Variants in ZC3H7B observed in about 807,000 individuals in gnomAD.
The protein encoded by ZC3H7B is zinc finger CCCH-type containing 7B.
ZC3H7B carries 35 observed loss-of-function variants against 116.0 expected under a neutral mutation model. The ratio of observed to expected loss-of-function variants is 0.30; its 90% CI spans 0.23 to 0.40. ZC3H7B has a LOEUF of 0.40. Ranked by LOEUF, ZC3H7B falls within the 10% of genes least tolerant of loss-of-function variation. ZC3H7B has a pLI of 1.00. For missense variants in ZC3H7B, 1,011 were observed against 1,321.5 expected (o/e 0.77, Z 3.64); for synonymous variants, 502 against 545.6 (o/e 0.92, Z 1.11).
chr22:41,316,236 G>A (rs1381647074), intron 1 of ZC3H7B, among the ~76,000 whole-genome samples: 1 of 151,056 alleles, frequency 6.6e-6, no homozygotes, highest in African/African-American at 2.4e-5. Flanking sequence ...CAGGTTATCC[G>A]CCAACCTTGG....
chr22:41,340,043 C>CACG lies in ZC3H7B; in HGVS notation c.1044_1045insACG (p.Pro348_Leu349insThr). The stretch of plus-strand genomic sequence containing the variant: ...ATCCCCCGGGCCCCACGCTGGACCC[C>CACG]CTGGACCTGCTGCCGTACTCGGAGA... On this transcript the variant is annotated inframe_insertion, in exon 10 of 23. Transcript: ENST00000352645. The CACG allele has an allele frequency of 6.2e-7, 1 of 1,611,718 alleles. No individual in the cohort carries two copies. Among genetic ancestry groups the CACG allele is most frequent in the Non-Finnish European group, 8.5e-7 (1 of 1,180,016 alleles).
At chr22:41,307,647 A>T (rs1235398389) in intron 1 of ZC3H7B, among the ~76,000 whole-genome samples, 1 of 152,168 alleles carries the variant, frequency 6.6e-6, no homozygotes, top group Non-Finnish European at 1.5e-5. Context: ...AGCAGCCCCC[A>T]TATGGTTAAC....
intron 12 of ZC3H7B, among the ~76,000 whole-genome samples, 172 bp from the exon 13 acceptor site, chr22:41,343,243 G>T (rs1381822008): frequency 6.6e-6 from 1 of 152,206 alleles, no homozygotes; most frequent in African/African-American, 2.4e-5. Flanking sequence ...CAGTCCCCCG[G>T]TCTCCAGGGA....
rs1370846160 is a variant in ZC3H7B at position 41,301,708 on chromosome 22, C to A, written c.-71C>A. 2.6e-5 allele frequency: 4 copies of A among 152,122 alleles called. No homozygotes were observed. The highest frequency in any genetic ancestry group is 1.9e-4 in the East Asian group (1 of 5,174). 9.4% of individuals were successfully genotyped at this position (152,122 alleles called of 1,614,324 possible). ...ACTAATAATAATAACGTAATCATAC[C>A]TCTAGTCATAGCATACCATTTATCG... is the stretch of plus-strand genomic sequence containing the variant. On this transcript the variant is annotated 5_prime_UTR_variant, in exon 1 of 23. Transcript: ENST00000352645.
rs2036496370 is a variant in ZC3H7B at position 41,339,862 on chromosome 22, T to C, written c.863T>C (p.Leu288Ser). The C allele has an allele frequency of 1.2e-6, 2 of 1,612,158 alleles. No individual in the cohort carries two copies. Among genetic ancestry groups the C allele is most frequent in the Admixed American group, 1.7e-5 (1 of 59,856 alleles). ...TCTGGCAGCGGCGTGCCTAGTGAGTTGCCCCAGCTGATACCCGTGTTCCCC... is the reference window on the plus strand; with the variant it reads ...TCTGGCAGCGGCGTGCCTAGTGAGTCGCCCCAGCTGATACCCGTGTTCCCC... ...GLSGSGVPSELPQLIPVFPGG... is the reference protein window; with the variant it reads ...GLSGSGVPSESPQLIPVFPGG... Residue 288 changes from leucine (L) to serine (S), a missense_variant, in exon 10 of 23, where the codon TTG becomes TCG. Leu to Ser is a moderately radical substitution (Grantham distance 145). Around this residue, in one of 5 missense-constraint regions of ZC3H7B, gnomAD observed 322 missense variants for 443.9 expected, o/e 0.73. Coordinates refer to ENST00000352645, the MANE Select transcript of ZC3H7B (RefSeq NM_017590.6).
intron 17 of ZC3H7B, 148 bp from the exon 18 acceptor site, chr22:41,355,321 T>A: frequency 8.8e-7 from 1 of 1,139,214 alleles, no homozygotes; most frequent in Non-Finnish European, 1.2e-6. Context: ...CCCTTGGGCC[T>A]GCAGTTGGGA....
Position 41,320,282 on chromosome 22 carries a change from G to A in ZC3H7B, c.-6-373G>A, listed in dbSNP as rs113024412. Among the ~76,000 whole-genome samples, 188 of 151,102 alleles carry A rather than the reference G, an allele frequency of 1.2e-3. 4 individuals are homozygous for A. The highest frequency in any genetic ancestry group is 4.3e-3 in the African/African-American group (175 of 41,090). On this transcript the variant is annotated intron_variant, in intron 1 of 22. Transcript: ENST00000352645. ...CAGGAAACGGAGGTTGCAGTGAGCC[G>A]AGATGGCGCCATTGCACTCAGCCTG...
intron 1 of ZC3H7B, among the ~76,000 whole-genome samples, chr22:41,304,853 A>G (rs894110013): frequency 6.6e-6 from 1 of 152,176 alleles, no homozygotes; most frequent in Non-Finnish European, 1.5e-5. Flanking sequence ...CCCAAGGTCA[A>G]TCTGCAGGAT....
In ZC3H7B at chr22:41,338,493, G is replaced by A; in HGVS notation, c.625+138G>A. The A allele has an allele frequency of 1.1e-6, 1 of 883,438 alleles. No homozygotes were observed. Among genetic ancestry groups the A allele is most frequent in the Non-Finnish European group, 1.8e-6 (1 of 566,992 alleles). The allele number at this position is 883,438 out of a possible 1,614,324, so 54.7% of individuals were successfully genotyped here. On this transcript the variant is annotated intron_variant, in intron 8 of 22. Transcript: ENST00000352645. The surrounding 1 kb of genome is among the most constrained non-coding windows in gnomAD (Gnocchi z 4.5). ...CCACCCTGGTACTCCCTGAGGCATGGGAGAAAACAGTGGGTTGAGAGCTAC... is the reference window on the plus strand; with the variant it reads ...CCACCCTGGTACTCCCTGAGGCATGAGAGAAAACAGTGGGTTGAGAGCTAC...
chr22:41,333,455 A>C (rs2036407272), intron 7 of ZC3H7B: 1 of 152,134 alleles, frequency 6.6e-6, no homozygotes, highest in Non-Finnish European at 1.5e-5. Flanking sequence ...ATGAAACCCC[A>C]TCCCTGCCAA....
intron 11 of ZC3H7B, among the ~76,000 whole-genome samples, chr22:41,341,732 G>T (rs2036525441): frequency 6.6e-6 from 1 of 150,802 alleles, no homozygotes; most frequent in Non-Finnish European, 1.5e-5. Flanking sequence ...GACAGAGCGA[G>T]ACTCCGTCTC....
intron 21 of ZC3H7B, 62 bp from the exon 22 acceptor site, chr22:41,356,583 C>T (rs980689901): frequency 2.0e-5 from 33 of 1,610,012 alleles, no homozygotes; most frequent in Middle Eastern, 1.7e-4. Context: ...TCAGCCTCTC[C>T]GAGGTGGGTG....
At position 41,338,965 on chromosome 22, in the gene ZC3H7B, G is replaced by C. The variant is rs1214152953; in HGVS notation, c.626-36G>C. ...ACGCCTCCTCCACCCTCACCAAGCA[G>C]TGCTCCCCTTCGGCTCTTGCCCACC... is the stretch of plus-strand genomic sequence containing the variant. On this transcript the variant is annotated intron_variant, in intron 8 of 22. Transcript: ENST00000352645. This position sits in a 1 kb window ranked among gnomAD's most constrained non-coding sequence, Gnocchi z 4.5. 6.6e-7 allele frequency: 1 copy of C among 1,507,704 alleles called. No homozygotes were observed. The highest frequency in any genetic ancestry group is 1.4e-5 in the African/African-American group (1 of 71,834). The allele number at this position is 1,507,704 out of a possible 1,614,324, so 93.4% of individuals were successfully genotyped here.
At position 41,346,028 on chromosome 22, in the gene ZC3H7B, G is replaced by T. The variant is rs1484018819; in HGVS notation, c.1485G>T (p.Lys495Asn). Residue 495 changes from lysine to asparagine, a missense_variant, in exon 14 of 23, where the codon AAG (lysine) becomes AAT (asparagine). By Grantham distance (94) the Lys-to-Asn change is moderately conservative (BLOSUM62 0). Transcript: ENST00000352645. This position sits in a 1 kb window ranked among gnomAD's most constrained non-coding sequence, Gnocchi z 5.3. ...ACATGATTAACAAGCAGGACTGTAA[G>T]TACGGGGATAACTGCACCTTCGCCT... ...CKDMINKQDC[K>N]YGDNCTFAYH... 2 of 1,614,052 alleles carry T rather than the reference G, an allele frequency of 1.2e-6. No homozygotes were observed. Among genetic ancestry groups the T allele is most frequent in the African/African-American group, 2.7e-5 (2 of 74,928 alleles).
intron 5 of ZC3H7B, among the ~76,000 whole-genome samples, chr22:41,329,242 A>G (rs1046170241): frequency 7.1e-6 from 1 of 141,690 alleles, no homozygotes; most frequent in Non-Finnish European, 1.5e-5. Context: ...CCAAATCCCC[A>G]CAAAACAAAA....
At chr22:41,356,206 C>T in intron 20 of ZC3H7B, 137 bp from the exon 21 acceptor site, 8 of 1,501,444 alleles carry the variant, frequency 5.3e-6, no homozygotes, top group Non-Finnish European at 6.3e-6. Context: ...CGGGCCCTCT[C>T]TGAGGCCAGG....
chr22:41,316,678 A>G lies in ZC3H7B; in HGVS notation c.-6-3977A>G, dbSNP rs1025737491. Among the ~76,000 whole-genome samples the G allele has an allele frequency of 2.2e-5, 3 of 134,256 alleles. No individual in the cohort carries two copies. In the Admixed American group the frequency reaches 2.5e-4, roughly 11 times the overall value. The allele number at this position is 134,256 out of a possible 152,430, so 88.1% of individuals were successfully genotyped here. A position where few individuals can be genotyped will look rare whatever the true frequency, so the allele number is the denominator to read the frequency against. On this transcript the variant is annotated intron_variant, in intron 1 of 22. Transcript: ENST00000352645. ...CAGTGGCACGATCACGGTTCACTGCAGCCTTAACTTCCTGGGCTCAGTTAG... is the reference window on the plus strand; with the variant it reads ...CAGTGGCACGATCACGGTTCACTGCGGCCTTAACTTCCTGGGCTCAGTTAG...
In ZC3H7B at chr22:41,325,587, A is replaced by G. The variant is rs781270803; in HGVS notation, c.77A>G (p.Glu26Gly). The change falls in exon 3 of 23, where the codon GAA becomes GGA. Residue 26 changes from glutamate to glycine, a missense_variant. Glu to Gly is a moderately conservative substitution (Grantham distance 98). Around this residue, in one of 5 missense-constraint regions of ZC3H7B, gnomAD observed 322 missense variants for 443.9 expected, o/e 0.73. Transcript: ENST00000352645. ...FIQSTLPLKQEEYEAFLLKLV... is the reference protein window; with the variant it reads ...FIQSTLPLKQGEYEAFLLKLV... ...AGGTCGACACTACCCCTAAAGCAAG[A>G]AGAATATGAGGTGAGTGTCAGCTGC... The G allele has an allele frequency of 5.6e-6, 9 of 1,612,050 alleles. No homozygotes were observed. Among genetic ancestry groups the G allele is most frequent in the Non-Finnish European group, 7.6e-6 (9 of 1,179,212 alleles).
rs764804620 is a variant in ZC3H7B, at chr22:41,338,962, G to A, written c.626-39G>A. 1.3e-6 allele frequency: 2 copies of A among 1,498,382 alleles called. No individual in the cohort carries two copies. Among genetic ancestry groups the A allele is most frequent in the Admixed American group, 4.2e-5 (2 of 47,140 alleles). 92.8% of individuals were successfully genotyped at this position (1,498,382 alleles called of 1,614,324 possible). ...GGGACGCCTCCTCCACCCTCACCAA[G>A]CAGTGCTCCCCTTCGGCTCTTGCCC... On this transcript the variant is annotated intron_variant, in intron 8 of 22. Coordinates refer to ENST00000352645, the MANE Select transcript of ZC3H7B (RefSeq NM_017590.6). The surrounding 1 kb of genome is among the most constrained non-coding windows in gnomAD (Gnocchi z 4.5).
Sources: gnomAD v4.1 joint callset for allele counts (sites outside exome capture counted in the v4.1 genomes callset) on GRCh38, gnomAD v4.1.1 for gene constraint, gnomAD v4.1.1 regional missense constraint, Gnocchi (gnomAD v3.1) non-coding constraint, MANE v1.5 for transcripts, NCBI Gene and HGNC (gene_info 2026-07-23, HGNC 2026-07-21) for gene names.